RALGPS1: variants seen among roughly 807,000 people sequenced by gnomAD.
RALGPS1 encodes the protein Ral GEF with PH domain and SH3 binding motif 1, also known as ras-specific guanine nucleotide-releasing factor RalGPS1.
In RALGPS1, 19 loss-of-function variants were observed where a neutral mutation model predicts 78.8. That is an observed-to-expected ratio of 0.24 (90% confidence interval 0.17 to 0.35). RALGPS1 has a LOEUF of 0.35. Among genes scored for constraint, RALGPS1 ranks in the 10% least tolerant of loss-of-function variants. The probability of loss-of-function intolerance (pLI) is 1.00; values close to 1 mark genes in which losing one functional copy is unlikely to be tolerated. For synonymous variants in RALGPS1, 228 were observed against 256.3 expected (o/e 0.89, Z 1.06); for missense variants, 454 against 688.3 (o/e 0.66, Z 3.81).
rs117564957 is a variant in RALGPS1, at chr9:127,173,612, G to A, written c.843-1103G>A. 4.2e-3 allele frequency among the ~76,000 whole-genome samples: 638 copies of A among 152,148 alleles called. 2 individuals are homozygous for A. The highest frequency in any genetic ancestry group is 0.01 in the Middle Eastern group (3 of 294). ...CATTTTCACCCAGAAGTTCCTATTCGGTGCTTCAAAAAGATATATTGAAGG... is the reference window on the plus strand; with the variant it reads ...CATTTTCACCCAGAAGTTCCTATTCAGTGCTTCAAAAAGATATATTGAAGG... On this transcript the variant is annotated intron_variant, in intron 10 of 18. Transcript: ENST00000259351.
intron 14 of RALGPS1, among the ~76,000 whole-genome samples, chr9:127,201,988 G>A (rs2061658635): frequency 6.6e-6 from 1 of 152,226 alleles, no homozygotes; most frequent in South Asian, 2.1e-4. Flanking sequence ...AGTGAGGTGT[G>A]AGAGAGGAGA....
intron 4 of RALGPS1, among the ~76,000 whole-genome samples, chr9:127,022,888 T>C (rs1285952161): frequency 2.6e-5 from 4 of 152,246 alleles, no homozygotes; most frequent in Non-Finnish European, 5.9e-5. Context: ...TTATGATTTC[T>C]TTAGAAATCT....
At chr9:127,173,567 G>A (rs575721071) in intron 10 of RALGPS1, among the ~76,000 whole-genome samples, 1 of 152,240 alleles carries the variant, frequency 6.6e-6, no homozygotes, top group East Asian at 1.9e-4. Context: ...GGGAGAGTCT[G>A]GCATCTAGTC....
rs2055228492 is a variant in RALGPS1, at chr9:127,114,819, T to G, written c.610+45463T>G. Among the ~76,000 whole-genome samples the G allele has an allele frequency of 2.6e-5, 4 of 152,380 alleles. 1 individual carries two copies. The South Asian group carries it at 8.3e-4, about 32-fold the overall frequency. ...TCGGGGTTCTGGGAAGCTAGAAGCCTGAGCTGTGCTTGAGTGAGTCTGGTG... is the reference window on the plus strand; with the variant it reads ...TCGGGGTTCTGGGAAGCTAGAAGCCGGAGCTGTGCTTGAGTGAGTCTGGTG... On this transcript the variant is annotated intron_variant, in intron 8 of 18. Transcript: ENST00000259351.
Position 127,052,888 on chromosome 9 carries a change from G to GGT in RALGPS1, c.433_434dup (p.Ser146TyrfsTer12). On this transcript the variant is annotated frameshift_variant, in exon 7 of 19. Transcript: ENST00000259351. LOFTEE classifies it high-confidence loss of function. ...ACAACCTTCATTCTCTCATGTCTGT[G>GGT]GTATCAGCATTACAAAGTGCTCCCA... The GGT allele has an allele frequency of 6.2e-7, 1 of 1,610,846 alleles. No homozygotes were observed. Among genetic ancestry groups the GGT allele is most frequent in the Non-Finnish European group, 8.5e-7 (1 of 1,177,124 alleles).
At chr9:126,928,070 G>A (rs1034114170) in intron 1 of RALGPS1, among the ~76,000 whole-genome samples, 2 of 152,196 alleles carry the variant, frequency 1.3e-5, no homozygotes, top group Admixed American at 1.3e-4. Flanking sequence ...AAAAGTGGAA[G>A]TCTGTCTCCC....
intron 7 of RALGPS1, among the ~76,000 whole-genome samples, chr9:127,068,201 A>G (rs2049880991): frequency 6.6e-6 from 1 of 152,166 alleles, no homozygotes; most frequent in Non-Finnish European, 1.5e-5. Flanking sequence ...TTTTGATTAA[A>G]ATTACCACAC....
At chr9:127,195,063 G>A (rs201006161) in intron 11 of RALGPS1, 28 bp from the exon 12 acceptor site, 41 of 1,610,958 alleles carry the variant, frequency 2.5e-5, no homozygotes, top group South Asian at 2.4e-4. Flanking sequence ...CATAACCCCC[G>A]TTGTTGCTCT....
chr9:127,045,762 TAC>T (rs59773981), intron 5 of RALGPS1, among the ~76,000 whole-genome samples: 31,946 of 136,730 alleles, frequency 0.23, 3,875 homozygotes, highest in South Asian at 0.42. Flanking sequence ...CACACACACA[TAC>T]ACACACACAC....
intron 1 of RALGPS1, among the ~76,000 whole-genome samples, chr9:126,920,013 C>G (rs1168404310): frequency 6.6e-6 from 1 of 152,108 alleles, no homozygotes; most frequent in Non-Finnish European, 1.5e-5. Context: ...TATTTGTACT[C>G]CCTTGACTTT....
In RALGPS1 at chr9:127,004,424, G is replaced by A. The variant is rs188412211; in HGVS notation, c.216+26679G>A. 1.1e-4 allele frequency among the ~76,000 whole-genome samples: 16 copies of A among 152,342 alleles called. No homozygotes were observed. In the East Asian group the frequency reaches 2.9e-3, roughly 28 times the overall value. On this transcript the variant is annotated intron_variant, in intron 4 of 18. Transcript: ENST00000259351. The stretch of plus-strand genomic sequence containing the variant: ...GCTTCCCAAAGTGTTGGGATTATAG[G>A]CATGAGCCTGTAATTGTTTTGAAAA...
Position 127,165,565 on chromosome 9 carries a change from TGA to T in RALGPS1, c.611-500_611-499del, listed in dbSNP as rs150711683. 5.5e-3 allele frequency among the ~76,000 whole-genome samples: 837 copies of T among 152,366 alleles called. 11 individuals are homozygous for T. The highest frequency in any genetic ancestry group is 0.019 in the African/African-American group (803 of 41,584). On this transcript the variant is annotated intron_variant, in intron 8 of 18. Coordinates refer to ENST00000259351, the MANE Select transcript of RALGPS1 (RefSeq NM_014636.3). Reference sequence around the variant, plus strand: ...TAGCTTTAGAGGGAATTTTTTGTACTGAGAGCTGTTGCTTTTTTAATTTTTTC... The same window carrying T: ...TAGCTTTAGAGGGAATTTTTTGTACTGAGCTGTTGCTTTTTTAATTTTTTC...
intron 1 of RALGPS1, among the ~76,000 whole-genome samples, chr9:126,924,847 C>T (rs922002270): frequency 1.2e-4 from 18 of 152,328 alleles, no homozygotes; most frequent in Admixed American, 4.6e-4. Context: ...AAAGACAGGC[C>T]GGGCGTGGTG....
chr9:127,067,173 C>T (rs1204371230), intron 7 of RALGPS1, among the ~76,000 whole-genome samples: 1 of 152,138 alleles, frequency 6.6e-6, no homozygotes, highest in Non-Finnish European at 1.5e-5. Flanking sequence ...GTCTTACAAA[C>T]AGCAAGTAGA....
intron 4 of RALGPS1, among the ~76,000 whole-genome samples, chr9:126,994,194 G>A (rs778961343): frequency 7.2e-5 from 11 of 152,306 alleles, no homozygotes; most frequent in Non-Finnish European, 1.5e-4. Context: ...GACTTTGAGA[G>A]TTGAGAGAAG....
At chr9:127,171,648 A>G (rs1324419435) in intron 10 of RALGPS1, among the ~76,000 whole-genome samples, 1 of 152,094 alleles carries the variant, frequency 6.6e-6, no homozygotes, top group Non-Finnish European at 1.5e-5. Context: ...AGTCCTACCT[A>G]CTCGGGAGGC....
intron 10 of RALGPS1, among the ~76,000 whole-genome samples, chr9:127,171,770 A>T (rs1167687242): frequency 6.6e-6 from 1 of 152,200 alleles, no homozygotes; most frequent in Non-Finnish European, 1.5e-5. Flanking sequence ...AAAAATAATA[A>T]TAATAAAAGA....
In RALGPS1 at chr9:127,218,248, T is replaced by A. The variant is rs78502029; in HGVS notation, c.1645-492T>A. 3.9e-3 allele frequency among the ~76,000 whole-genome samples: 589 copies of A among 152,246 alleles called. No homozygotes were observed. Among genetic ancestry groups the A allele is most frequent in the Non-Finnish European group, 6.9e-3 (468 of 68,004 alleles). On this transcript the variant is annotated intron_variant, in intron 18 of 18. Transcript: ENST00000259351. This position sits in a 1 kb window ranked among gnomAD's most constrained non-coding sequence, Gnocchi z 4.4. The stretch of plus-strand genomic sequence containing the variant: ...CTGAGGGCAGAGCTGTGGGAAGGTC[T>A]TGGGGTTTCTGATATCCCTGAACTG...
chr9:126,972,367 A>G (rs568340439), intron 3 of RALGPS1, among the ~76,000 whole-genome samples: 1 of 152,348 alleles, frequency 6.6e-6, no homozygotes, highest in South Asian at 2.1e-4. Context: ...TTTTGAACAA[A>G]CTACACTGGA....
Sources: allele counts gnomAD v4.1 joint callset (sites outside exome capture counted in the v4.1 genomes callset), GRCh38; gene constraint gnomAD v4.1.1; non-coding constraint Gnocchi (gnomAD v3.1); transcripts MANE v1.5; gene names NCBI Gene and HGNC (gene_info 2026-07-23, HGNC 2026-07-21).